The following CAPN14 variants were observed in gnomAD, a reference collection of about 807,000 sequenced individuals.
The protein encoded by CAPN14 is calpain 14.
A neutral mutation model predicts 101.3 loss-of-function variants in CAPN14; 94 were observed. That is an observed-to-expected ratio of 0.93 (90% CI 0.79 to 1.10). The LOEUF is 1.10. Ranked by LOEUF, CAPN14 falls within the 50% of genes least tolerant of loss-of-function variation. The pLI is 0.00. For missense variants in CAPN14, 837 were observed against 828.4 expected (o/e 1.01, Z -0.13); for synonymous variants, 338 against 317.9 (o/e 1.06, Z -0.67).
intron 17 of CAPN14, among the ~76,000 whole-genome samples, chr2:31,180,409 TAGAA>T (rs1680532607): frequency 6.6e-6 from 1 of 152,320 alleles, no homozygotes; most frequent in South Asian, 2.1e-4. Flanking sequence ...ATTATCCACT[TAGAA>T]AGGCAGTGTG....
In CAPN14 at chr2:31,200,611, T is replaced by C. The variant is rs1469155842; in HGVS notation, c.566A>G (p.Tyr189Cys). The C allele has an allele frequency of 2.6e-6, 4 of 1,549,950 alleles. No homozygotes were observed. Among genetic ancestry groups the C allele is most frequent in the Non-Finnish European group, 3.5e-6 (4 of 1,146,454 alleles). The change falls in exon 6 of 22, where the codon TAT becomes TGT. Residue 189 changes from tyrosine to cysteine, a missense_variant. Transcript: ENST00000403897. ...EKAYAKLSGSYEDLQSGQVSE... is the reference protein window; with the variant it reads ...EKAYAKLSGSCEDLQSGQVSE... ...CACCTGTCCTGACTGCAAGTCTTCA[T>C]AGGAACCAGAGAGCCTGGCCAGGGA...
Position 31,197,304 on chromosome 2 carries a change from C to G in CAPN14, c.820G>C (p.Val274Leu). The G allele has an allele frequency of 2.6e-6, 4 of 1,551,038 alleles. No homozygotes were observed. The highest frequency in any genetic ancestry group is 2.4e-5 in the East Asian group (1 of 40,898). The change falls in exon 8 of 22, where the codon GTC becomes CTC. Residue 274 changes from valine to leucine, a missense_variant. By Grantham distance (32) the Val-to-Leu change is conservative. Transcript: ENST00000403897. Reference sequence around the variant, plus strand: ...TTTCCCCAGGGGTTCCGTAGCTTGACGAGATATTCAGGTCTATGTTTGCAG... The same window carrying G: ...TTTCCCCAGGGGTTCCGTAGCTTGAGGAGATATTCAGGTCTATGTTTGCAG... ...VTCKHRPEYL[V>L]KLRNPWGKVE... is the part of the protein sequence containing the mutation.
intron 16 of CAPN14, 84 bp from the exon 17 acceptor site, chr2:31,181,084 T>C: frequency 9.3e-7 from 1 of 1,071,686 alleles, no homozygotes; most frequent in South Asian, 1.4e-5. Flanking sequence ...CAGTGCTGCA[T>C]GGGCCAGCTG....
intron 15 of CAPN14, among the ~76,000 whole-genome samples, chr2:31,186,792 T>C (rs150924980): frequency 2.6e-5 from 4 of 152,370 alleles, no homozygotes; most frequent in Admixed American, 2.0e-4. Context: ...AGAAACTCTT[T>C]ATATGAACAT....
intron 14 of CAPN14, 55 bp from the exon 15 acceptor site, chr2:31,187,869 T>C (rs1227382725): frequency 1.4e-5 from 19 of 1,343,822 alleles, no homozygotes; most frequent in Admixed American, 2.0e-5. Context: ...AAACGGACTT[T>C]CGTGCACACC....
chr2:31,213,938 CT>C (rs1477965664), intron 1 of CAPN14, among the ~76,000 whole-genome samples: 1 of 152,166 alleles, frequency 6.6e-6, no homozygotes, highest in Non-Finnish European at 1.5e-5. Context: ...AATTGTTTTT[CT>C]TTTACTGTTT....
intron 12 of CAPN14, 87 bp downstream of exon 12, chr2:31,191,312 T>C: frequency 2.3e-6 from 3 of 1,303,086 alleles, no homozygotes; most frequent in Non-Finnish European, 3.2e-6. Context: ...AGTAGAAGCC[T>C]GCTCCAGTCT....
intron 15 of CAPN14, among the ~76,000 whole-genome samples, 194 bp downstream of exon 15, chr2:31,187,563 CT>C (rs1443460205): frequency 6.6e-6 from 1 of 152,236 alleles, no homozygotes; most frequent in Non-Finnish European, 1.5e-5. Context: ...TTACAGGAGC[CT>C]TCTAGACAAT....
Position 31,195,600 on chromosome 2 carries a change from G to A in CAPN14, c.876-1117C>T, listed in dbSNP as rs992439240. Among the ~76,000 whole-genome samples, 4 of 152,168 alleles carry A rather than the reference G, an allele frequency of 2.6e-5. No homozygotes were observed. The South Asian group carries it at 8.3e-4, about 32-fold the overall frequency. On this transcript the variant is annotated intron_variant, in intron 8 of 21. Coordinates refer to ENST00000403897, the MANE Select transcript of CAPN14 (RefSeq NM_001145122.2). ...GATCTGCCTTCCTCGACCTCCCAAAGTGCTGGGATTACAGGTGTGAGTCAC... is the reference window on the plus strand; with the variant it reads ...GATCTGCCTTCCTCGACCTCCCAAAATGCTGGGATTACAGGTGTGAGTCAC...
At chr2:31,202,976 T>C in intron 3 of CAPN14, 94 bp downstream of exon 3, 1 of 1,062,726 alleles carries the variant, frequency 9.4e-7, no homozygotes, top group African/African-American at 1.6e-5. Flanking sequence ...CCAGTGGGGA[T>C]CTCTGGCTTC....
intron 9 of CAPN14, 80 bp from the exon 10 acceptor site, chr2:31,193,374 G>A (rs1454233855): frequency 1.6e-5 from 22 of 1,376,878 alleles, no homozygotes; most frequent in South Asian, 2.7e-5. Context: ...AGGGTGAAAC[G>A]GAGCAGTGGG....
intron 7 of CAPN14, 98 bp from the exon 8 acceptor site, chr2:31,197,432 A>G: frequency 1.3e-6 from 1 of 782,964 alleles, no homozygotes; most frequent in Non-Finnish European, 2.1e-6. Flanking sequence ...CTTGCAGTGG[A>G]AAATCACAGC....
chr2:31,190,503 T>C (rs963470707), intron 12 of CAPN14, among the ~76,000 whole-genome samples: 34 of 152,224 alleles, frequency 2.2e-4, no homozygotes, highest in African/African-American at 7.9e-4. Context: ...CTGGGTTTAG[T>C]TTTCCTGGTA....
intron 1 of CAPN14, among the ~76,000 whole-genome samples, chr2:31,207,686 G>C (rs1213590727): frequency 2.6e-5 from 4 of 152,180 alleles, no homozygotes; most frequent in South Asian, 4.1e-4. Flanking sequence ...AGGATCACTT[G>C]AGCCGGGAGG....
At chr2:31,204,505 C>A (rs1469248952) in intron 2 of CAPN14, among the ~76,000 whole-genome samples, 1 of 152,098 alleles carries the variant, frequency 6.6e-6, no homozygotes, top group Non-Finnish European at 1.5e-5. Context: ...TCAGCCCCAC[C>A]CCCTGATCAC....
At chr2:31,209,838 T>C (rs940992186) in intron 1 of CAPN14, among the ~76,000 whole-genome samples, 15 of 151,976 alleles carry the variant, frequency 9.9e-5, no homozygotes, top group Non-Finnish European at 1.9e-4. Context: ...GTCCATACCA[T>C]GGAATGGGTA....
chr2:31,213,798 T>C (rs1682513509), intron 1 of CAPN14, among the ~76,000 whole-genome samples: 1 of 152,204 alleles, frequency 6.6e-6, no homozygotes, highest in Admixed American at 6.5e-5. Context: ...CATCAGACAT[T>C]CCTGGGCAGT....
intron 16 of CAPN14, 136 bp from the exon 17 acceptor site, chr2:31,181,136 G>A (rs950598563): frequency 3.4e-5 from 23 of 667,588 alleles, no homozygotes; most frequent in South Asian, 2.0e-4. Context: ...GAGTGAGAAT[G>A]GAAGACAGTA....
intron 16 of CAPN14, among the ~76,000 whole-genome samples, chr2:31,181,510 C>CG (rs1680626450): frequency 8.3e-6 from 1 of 120,686 alleles, no homozygotes; most frequent in African/African-American, 2.9e-5. Flanking sequence ...TTCTTTCTTT[C>CG]TTTTTTTTAT....
Sources: gnomAD v4.1 joint callset for allele counts (sites outside exome capture counted in the v4.1 genomes callset) on GRCh38, gnomAD v4.1.1 for gene constraint, MANE v1.5 for transcripts, NCBI Gene and HGNC (gene_info 2026-07-23, HGNC 2026-07-21) for gene names.